The following PACS2 variants were observed in gnomAD, a reference collection of about 807,000 sequenced individuals.
PACS2 encodes PACS1-like protein.
A neutral mutation model predicts 113.0 loss-of-function variants in PACS2; 36 were observed. That is an observed-to-expected ratio of 0.32 (90% CI 0.24 to 0.42). The LOEUF (loss-of-function observed/expected upper bound fraction) is 0.42. Among genes scored for constraint, PACS2 ranks in the 10% least tolerant of loss-of-function variants. The pLI is 1.00. For missense variants in PACS2, 1,015 were observed against 1,239.5 expected (o/e 0.82, Z 2.72); for synonymous variants, 589 against 536.1 (o/e 1.10, Z -1.36).
intron 9 of PACS2, among the ~76,000 whole-genome samples, chr14:105,378,541 C>G (rs1298619297): frequency 6.6e-6 from 1 of 152,242 alleles, no homozygotes; most frequent in Non-Finnish European, 1.5e-5. Flanking sequence ...TCCTCAGTAG[C>G]TGAGACCAAT....
Position 105,394,878 on chromosome 14 carries a change from C to T in PACS2, c.*206C>T, listed in dbSNP as rs587729656. On this transcript the variant is annotated 3_prime_UTR_variant, in exon 25 of 25. Coordinates refer to ENST00000447393, the MANE Select transcript of PACS2 (RefSeq NM_001100913.3). ...TGCTCTGCTTATTAACCCGAACGTT[C>T]GGCCCGGGGCTGGGAAGCCAGAAGG... The T allele has an allele frequency of 4.9e-4, 269 of 547,116 alleles. 2 individuals are homozygous for T. The highest frequency in any genetic ancestry group is 2.3e-3 in the Middle Eastern group (5 of 2,210). The allele number at this position is 547,116 out of a possible 1,614,324, so 33.9% of individuals were successfully genotyped here. A position where few individuals can be genotyped will look rare whatever the true frequency, so the allele number is the denominator to read the frequency against.
Position 105,357,269 on chromosome 14 carries a change from C to G in PACS2, c.423+2092C>G, listed in dbSNP as rs1296003282. ...GGGAGAGGCTGGAGCAACCTTCCCCCACCCCAGGTCACACCAGCCACATCG... is the reference window on the plus strand; with the variant it reads ...GGGAGAGGCTGGAGCAACCTTCCCCGACCCCAGGTCACACCAGCCACATCG... On this transcript the variant is annotated intron_variant, in intron 4 of 24. Coordinates refer to ENST00000447393, the MANE Select transcript of PACS2 (RefSeq NM_001100913.3). The surrounding 1 kb of genome is among the most constrained non-coding windows in gnomAD (Gnocchi z 5.1). Among the ~76,000 whole-genome samples the G allele has an allele frequency of 1.3e-5, 2 of 152,082 alleles. No homozygotes were observed. The highest frequency in any genetic ancestry group is 4.8e-5 in the African/African-American group (2 of 41,408).
chr14:105,362,379 T>C lies in PACS2; in HGVS notation c.424-4834T>C, dbSNP rs1346642674. On this transcript the variant is annotated intron_variant, in intron 4 of 24. Coordinates refer to ENST00000447393, the MANE Select transcript of PACS2 (RefSeq NM_001100913.3). ...TTGCAGTGAGCCGAGATCGCGCCACTGCACTCCAGCCTGGGCGACAGAGCG... is the reference window on the plus strand; with the variant it reads ...TTGCAGTGAGCCGAGATCGCGCCACCGCACTCCAGCCTGGGCGACAGAGCG... Among the ~76,000 whole-genome samples the C allele has an allele frequency of 2.0e-3, 289 of 143,626 alleles. 2 individuals carry two copies. Among genetic ancestry groups the C allele is most frequent in the African/African-American group, 7.2e-3 (265 of 37,048 alleles). The allele number at this position is 143,626 out of a possible 152,430, so 94.2% of individuals were successfully genotyped here. A position where few individuals can be genotyped will look rare whatever the true frequency, so the allele number is the denominator to read the frequency against.
chr14:105,393,413 A>G lies in PACS2; in HGVS notation c.2596+78A>G, dbSNP rs1347813610. 24 of 933,996 alleles carry G rather than the reference A, an allele frequency of 2.6e-5. No homozygotes were observed. In the Admixed American group the frequency reaches 5.0e-4, roughly 19 times the overall value. The allele number at this position is 933,996 out of a possible 1,614,324, so 57.9% of individuals were successfully genotyped here. A position where few individuals can be genotyped will look rare whatever the true frequency, so the allele number is the denominator to read the frequency against. ...GCAAGGCTGCTTTGGAGCCCAGCCT[A>G]GGAGCTGCGGGTGTCTCGCTGTGAC... is the stretch of plus-strand genomic sequence containing the variant. On this transcript the variant is annotated intron_variant, in intron 24 of 24. Transcript: ENST00000447393.
intron 1 of PACS2, among the ~76,000 whole-genome samples, chr14:105,327,344 T>C (rs1319178869): frequency 3.9e-5 from 6 of 152,218 alleles, no homozygotes; most frequent in Non-Finnish European, 1.5e-5. Context: ...TACTGCCTGC[T>C]GCGCTGACTG....
At chr14:105,368,824 A>C (rs1476012410) in intron 7 of PACS2, among the ~76,000 whole-genome samples, 1 of 151,620 alleles carries the variant, frequency 6.6e-6, no homozygotes, top group Non-Finnish European at 1.5e-5. Context: ...ATGTGCAGAA[A>C]CTCCGGGAGG....
intron 4 of PACS2, among the ~76,000 whole-genome samples, chr14:105,363,235 G>A (rs918377524): frequency 3.9e-5 from 6 of 152,144 alleles, no homozygotes; most frequent in African/African-American, 1.2e-4. Flanking sequence ...AAGAGAGGCA[G>A]CCTGTCCTTT....
chr14:105,383,458 G>A lies in PACS2; in HGVS notation c.1725G>A (p.Leu575=), dbSNP rs1555412696. The A allele has an allele frequency of 1.2e-6, 2 of 1,609,316 alleles. No homozygotes were observed. Among genetic ancestry groups the A allele is most frequent in the East Asian group, 2.2e-5 (1 of 44,838 alleles). ...TCCTGCGGCTCTTTGTGGAGCAGCT[G>A]TCCCACAAGACACCCGACTGGCTCG... The part of the protein sequence containing the change: ...SAILRLFVEQ[L]SHKTPDWLGY... Residue 575 remains leucine (L), a synonymous_variant, in exon 16 of 25, where the codon CTG becomes CTA. Coordinates refer to ENST00000447393, the MANE Select transcript of PACS2 (RefSeq NM_001100913.3).
Position 105,355,328 on chromosome 14 carries a change from A to G in PACS2, c.423+151A>G. 1 of 966,368 alleles carries G rather than the reference A, an allele frequency of 1.0e-6. No homozygotes were observed. The allele number at this position is 966,368 out of a possible 1,614,324, so 59.9% of individuals were successfully genotyped here. On this transcript the variant is annotated intron_variant, in intron 4 of 24. Coordinates refer to ENST00000447393, the MANE Select transcript of PACS2 (RefSeq NM_001100913.3). The surrounding 1 kb of genome is among the most constrained non-coding windows in gnomAD (Gnocchi z 4.1). Reference sequence around the variant, plus strand: ...GGAGCCTGGGCGGCCGGGCTCCGCCATAAGGGCCAGGTGCGGCCCCAGGTG... The same window carrying G: ...GGAGCCTGGGCGGCCGGGCTCCGCCGTAAGGGCCAGGTGCGGCCCCAGGTG...
chr14:105,381,238 G>A (rs1357581617), intron 12 of PACS2, 139 bp downstream of exon 12: 7 of 674,588 alleles, frequency 1.0e-5, no homozygotes, highest in African/African-American at 1.8e-5. Context: ...TCAGGGCCTC[G>A]TCCTTCTTAA....
intron 1 of PACS2, among the ~76,000 whole-genome samples, chr14:105,306,486 G>A (rs587688985): frequency 4.5e-4 from 69 of 151,688 alleles, no homozygotes; most frequent in African/African-American, 1.7e-3. Context: ...TGTATTTTTA[G>A]TAGAGATGGG....
chr14:105,383,325 T>C (rs1595157720), intron 15 of PACS2, 34 bp from the exon 16 acceptor site: 1 of 1,601,610 alleles, frequency 6.2e-7, no homozygotes, highest in East Asian at 2.2e-5. Flanking sequence ...GAGGCGTCTG[T>C]CCCCTCTCCG....
chr14:105,383,984 C>G, intron 16 of PACS2: 1 of 306,386 alleles, frequency 3.3e-6, no homozygotes, highest in South Asian at 4.1e-5. Flanking sequence ...ACAAACCCAC[C>G]CAGCCTTAAT....
chr14:105,310,941 T>C (rs985755435), upstream of PACS2, among the ~76,000 whole-genome samples: 2 of 152,202 alleles, frequency 1.3e-5, no homozygotes, highest in Non-Finnish European at 2.9e-5. Flanking sequence ...CACATGGACA[T>C]GCATTTTCAC....
chr14:105,394,706 TGCTGTGAGGGGCCCA>T lies in PACS2; in HGVS notation c.*39_*53del. On this transcript the variant is annotated 3_prime_UTR_variant, in exon 25 of 25. Transcript: ENST00000447393. Reference sequence around the variant, plus strand: ...ACCAGGGGGCCCACCTCCTGCCCCATGCTGTGAGGGGCCCAGCTGCATTTCTGTTAACATTTCAGT... The same window carrying T: ...ACCAGGGGGCCCACCTCCTGCCCCATGCTGCATTTCTGTTAACATTTCAGT... The T allele has an allele frequency of 7.6e-7, 1 of 1,313,388 alleles. No homozygotes were observed. Among genetic ancestry groups the T allele is most frequent in the Non-Finnish European group, 1.1e-6 (1 of 906,070 alleles). 81.4% of individuals were successfully genotyped at this position (1,313,388 alleles called of 1,614,324 possible).
At chr14:105,331,109 C>T (rs986006955) in intron 1 of PACS2, among the ~76,000 whole-genome samples, 1 of 152,144 alleles carries the variant, frequency 6.6e-6, no homozygotes, top group African/African-American at 2.4e-5. Flanking sequence ...CATGCACCGT[C>T]ACACCCAGCT....
intron 9 of PACS2, among the ~76,000 whole-genome samples, chr14:105,379,303 C>T (rs1595142682): frequency 6.6e-6 from 1 of 152,242 alleles, no homozygotes; most frequent in East Asian, 1.9e-4. Context: ...CTGATGTGCC[C>T]TTGTTGTTTT....
At chr14:105,316,096 C>T (rs1272974706) in intron 1 of PACS2, among the ~76,000 whole-genome samples, 1 of 152,220 alleles carries the variant, frequency 6.6e-6, no homozygotes, top group East Asian at 1.9e-4. Context: ...AGTTGCAGAG[C>T]CGCTGGACAG....
chr14:105,352,684 C>CA (rs1437560956), intron 3 of PACS2, among the ~76,000 whole-genome samples: 5 of 142,460 alleles, frequency 3.5e-5, no homozygotes, highest in South Asian at 2.3e-4. Context: ...GGGCGACGGG[C>CA]CCCGTCATCC....
Sources: allele counts gnomAD v4.1 joint callset (sites outside exome capture counted in the v4.1 genomes callset), GRCh38; gene constraint gnomAD v4.1.1; non-coding constraint Gnocchi (gnomAD v3.1); transcripts MANE v1.5; gene names NCBI Gene and HGNC (gene_info 2026-07-23, HGNC 2026-07-21).